MILR1: variants seen among roughly 807,000 people sequenced by gnomAD.
MILR1 encodes the protein mast cell immunoglobulin like receptor 1.
MILR1 carries 31 observed loss-of-function variants against 18.5 expected under a neutral mutation model. That is an observed-to-expected ratio of 1.68 (90% confidence interval 1.26 to 2.26). The LOEUF (loss-of-function observed/expected upper bound fraction) is 2.26, where lower values mean the gene tolerates loss of function less well. Ranked by LOEUF, MILR1 falls within the 30% of genes most tolerant of loss-of-function variation. The probability of loss-of-function intolerance (pLI) is 0.00; values close to 1 mark genes in which losing one functional copy is unlikely to be tolerated. For missense variants in MILR1, 257 were observed against 157.4 expected (o/e 1.63, Z -3.38); for synonymous variants, 85 against 56.2 (o/e 1.51, Z -2.30).
At chr17:64,458,857 G>A (rs2037360551) in intron 4 of MILR1, among the ~76,000 whole-genome samples, 1 of 152,100 alleles carries the variant, frequency 6.6e-6, no homozygotes, top group Non-Finnish European at 1.5e-5. Context: ...CCCGAGGGTG[G>A]CCCACAGTAA....
downstream of MILR1, among the ~76,000 whole-genome samples, chr17:64,470,062 A>G (rs1555664307): frequency 6.6e-6 from 1 of 152,152 alleles, no homozygotes; most frequent in East Asian, 1.9e-4. Flanking sequence ...AAAAAGATGG[A>G]AGGTGGTGAT....
the MILR1 span, chr17:64,497,169 T>G: frequency 1.5e-6 from 1 of 648,004 alleles, no homozygotes; most frequent in Non-Finnish European, 2.8e-6. Flanking sequence ...GGACGCCGGC[T>G]CGGATGGTTC....
chr17:64,472,737 T>C (rs1462674624), downstream of MILR1, among the ~76,000 whole-genome samples: 1 of 152,126 alleles, frequency 6.6e-6, no homozygotes, highest in Admixed American at 6.6e-5. Context: ...ACCCTAGGCG[T>C]GTAGCAGGCT....
intron 3 of MILR1, 28 bp from the exon 4 acceptor site, chr17:64,457,372 C>T (rs2037322776): frequency 4.2e-6 from 2 of 472,644 alleles, no homozygotes; most frequent in Non-Finnish European, 7.8e-6. Flanking sequence ...TCTGTTTATC[C>T]TTTTCATGTT....
At chr17:64,452,891 A>C (rs1173815067) in intron 3 of MILR1, 25 bp downstream of exon 3, 1 of 473,536 alleles carries the variant, frequency 2.1e-6, no homozygotes, top group African/African-American at 2.0e-5. Flanking sequence ...TGTTCCTTGG[A>C]GCCCCTATAA....
chr17:64,449,789 T>TA (rs1340171304), intron 2 of MILR1, among the ~76,000 whole-genome samples: 1 of 151,782 alleles, frequency 6.6e-6, no homozygotes, highest in Non-Finnish European at 1.5e-5. Context: ...TAAAACAAAA[T>TA]AAAAAAACCC....
the MILR1 span, among the ~76,000 whole-genome samples, chr17:64,493,627 G>A: frequency 6.6e-6 from 1 of 151,966 alleles, no homozygotes; most frequent in Non-Finnish European, 1.5e-5. Context: ...TGGGACTACA[G>A]GCGCCCGCCA....
the MILR1 span, among the ~76,000 whole-genome samples, chr17:64,495,740 C>T: frequency 6.6e-6 from 1 of 151,928 alleles, no homozygotes; most frequent in Non-Finnish European, 1.5e-5. Context: ...CGGAGTTTTG[C>T]TCTTGTCACC....
the MILR1 span, chr17:64,482,959 G>A: frequency 1.2e-6 from 2 of 1,607,762 alleles, no homozygotes; most frequent in Non-Finnish European, 1.7e-6. Context: ...TACATCCAAA[G>A]CAACCTTAAT....
chr17:64,466,169 G>A lies in MILR1; in HGVS notation c.854-273G>A, dbSNP rs980775263. Among the ~76,000 whole-genome samples the A allele has an allele frequency of 3.3e-5, 5 of 152,312 alleles. No individual in the cohort carries two copies. In the South Asian group the frequency reaches 6.2e-4, roughly 19 times the overall value. ...CCCTTATAAAACCATCAGATCTTGT[G>A]AGAACTAACTCACTGTCACTAGAAG... On this transcript the variant is annotated intron_variant, in intron 6 of 9. Transcript: ENST00000619286.
the MILR1 span, chr17:64,496,869 T>C: frequency 6.2e-7 from 1 of 1,613,556 alleles, no homozygotes; most frequent in South Asian, 1.1e-5. Context: ...CTCCTTTCCG[T>C]CAACAGCTCC....
intron 4 of MILR1, among the ~76,000 whole-genome samples, 168 bp downstream of exon 4, chr17:64,457,852 G>A (rs1173240667): frequency 2.0e-5 from 3 of 152,142 alleles, no homozygotes; most frequent in African/African-American, 7.2e-5. Flanking sequence ...GTGTGCAGTG[G>A]CTCACACCTG....
chr17:64,468,463 A>G lies in MILR1; in HGVS notation c.*182A>G, dbSNP rs984079377. On this transcript the variant is annotated 3_prime_UTR_variant, in exon 10 of 10. Transcript: ENST00000619286. Reference sequence around the variant, plus strand: ...GCTACCACGCCCAGCTAATTTTTGTATTTTTAGTAGAGATGGGGTTTCACT... The same window carrying G: ...GCTACCACGCCCAGCTAATTTTTGTGTTTTTAGTAGAGATGGGGTTTCACT... 2.6e-6 allele frequency: 1 copy of G among 381,780 alleles called. No homozygotes were observed. The highest frequency in any genetic ancestry group is 4.9e-6 in the Non-Finnish European group (1 of 204,052). 23.6% of individuals were successfully genotyped at this position (381,780 alleles called of 1,614,324 possible).
the MILR1 span, among the ~76,000 whole-genome samples, chr17:64,486,164 C>T: frequency 6.6e-6 from 1 of 152,202 alleles, no homozygotes; most frequent in Admixed American, 6.5e-5. Flanking sequence ...GATGCATTCT[C>T]TGCTCTCACT....
chr17:64,485,565 C>G, the MILR1 span: 8 of 649,754 alleles, frequency 1.2e-5, no homozygotes, highest in Non-Finnish European at 2.2e-5. Flanking sequence ...GAACCTGATT[C>G]TTATTCCTGT....
intron 5 of MILR1, among the ~76,000 whole-genome samples, chr17:64,463,249 C>T (rs1202407920): frequency 6.6e-6 from 1 of 152,006 alleles, no homozygotes; most frequent in Non-Finnish European, 1.5e-5. Flanking sequence ...CTCAGGCGAT[C>T]CTCCCACCTC....
intron 4 of MILR1, among the ~76,000 whole-genome samples, chr17:64,458,077 G>GT (rs1224772317): frequency 2.0e-5 from 3 of 152,054 alleles, no homozygotes; most frequent in Non-Finnish European, 2.9e-5. Context: ...AGTTTTCTTT[G>GT]TTTTTTCATC....
In MILR1 at chr17:64,466,581, A is replaced by G; in HGVS notation, c.911-13A>G. On this transcript the variant is annotated splice_polypyrimidine_tract_variant and intron_variant, in intron 7 of 9. Coordinates refer to ENST00000619286, the MANE Select transcript of MILR1 (RefSeq NM_001085423.2). ...ATTGGCCCAATAATTCCTATTCCTTATCTTTTGCCCAGAGGCCAAACACTC... is the reference window on the plus strand; with the variant it reads ...ATTGGCCCAATAATTCCTATTCCTTGTCTTTTGCCCAGAGGCCAAACACTC... The G allele has an allele frequency of 1.9e-6, 3 of 1,611,188 alleles. No individual in the cohort carries two copies. The highest frequency in any genetic ancestry group is 2.5e-6 in the Non-Finnish European group (3 of 1,178,742).
At chr17:64,492,092 A>G in the MILR1 span, among the ~76,000 whole-genome samples, 1 of 152,338 alleles carries the variant, frequency 6.6e-6, no homozygotes, top group East Asian at 1.9e-4. Context: ...TGAAGAGGGG[A>G]AGTTAACCAT....
Sources: gnomAD v4.1 joint callset for allele counts (sites outside exome capture counted in the v4.1 genomes callset) on GRCh38, gnomAD v4.1.1 for gene constraint, MANE v1.5 for transcripts, NCBI Gene and HGNC (gene_info 2026-07-23, HGNC 2026-07-21) for gene names.